The following EYS variants were observed in gnomAD, a reference collection of about 807,000 sequenced individuals.
EYS encodes EGF-like photoreceptor maintenance factor.
In EYS, 250 loss-of-function variants were observed where a neutral mutation model predicts 282.1. That is an observed-to-expected ratio of 0.89 (90% CI 0.80 to 0.98). EYS has a LOEUF of 0.98. Among genes scored for constraint, EYS ranks in the 50% least tolerant of loss-of-function variants. The pLI, the probability that EYS is intolerant of heterozygous loss-of-function variation, is 0.00. For missense variants in EYS, 4,016 were observed against 3,709.0 expected (o/e 1.08, Z -2.15); for synonymous variants, 1,355 against 1,282.9 (o/e 1.06, Z -1.20).
chr6:65,115,027 C>T (rs760525444), intron 12 of EYS, among the ~76,000 whole-genome samples: 3 of 151,944 alleles, frequency 2.0e-5, no homozygotes, highest in Non-Finnish European at 2.9e-5. Flanking sequence ...AAATAATCCT[C>T]AAGCTGTTCC....
At chr6:65,667,135 T>G (rs950032383) in intron 1 of EYS, among the ~76,000 whole-genome samples, 6 of 151,816 alleles carry the variant, frequency 4.0e-5, no homozygotes, top group Non-Finnish European at 5.9e-5. Context: ...ACTACTGCCC[T>G]ATCTCCTAAT....
intron 12 of EYS, among the ~76,000 whole-genome samples, chr6:65,185,453 C>T (rs189791552): frequency 1.0e-3 from 155 of 151,974 alleles, no homozygotes; most frequent in African/African-American, 3.5e-3. Context: ...TAGAAAACAT[C>T]TATTGCATCA....
intron 22 of EYS, among the ~76,000 whole-genome samples, chr6:64,776,540 C>T (rs1218266726): frequency 6.6e-6 from 1 of 151,934 alleles, no homozygotes; most frequent in Non-Finnish European, 1.5e-5. Context: ...AAATTCTATT[C>T]CCTTTTTTTT....
intron 31 of EYS, among the ~76,000 whole-genome samples, chr6:64,186,248 TACACACACACACACACACACACACAC>T (rs34727951): frequency 4.1e-5 from 6 of 147,072 alleles, no homozygotes; most frequent in Non-Finnish European, 4.5e-5. Context: ...ATGTGTGTTT[TACACACACACACACACACACACACAC>T]ACACACACAC....
intron 13 of EYS, among the ~76,000 whole-genome samples, chr6:64,997,909 A>C (rs1356038118): frequency 1.3e-5 from 2 of 152,144 alleles, no homozygotes; most frequent in African/African-American, 2.4e-5. Flanking sequence ...TAAAAAAAAA[A>C]CTTCAGTTAG....
At chr6:65,378,921 A>T (rs1765503568) in intron 8 of EYS, among the ~76,000 whole-genome samples, 2 of 152,000 alleles carry the variant, frequency 1.3e-5, no homozygotes, top group African/African-American at 4.8e-5. Flanking sequence ...CATTAGGAGA[A>T]ATATATAATG....
intron 33 of EYS, among the ~76,000 whole-genome samples, chr6:64,012,610 T>A (rs190926583): frequency 6.6e-6 from 1 of 152,330 alleles, no homozygotes; most frequent in East Asian, 1.9e-4. Context: ...TCCAGAGACA[T>A]ACAGCTTTCC....
chr6:64,718,485 T>C (rs1434111285), intron 22 of EYS, among the ~76,000 whole-genome samples: 2 of 152,214 alleles, frequency 1.3e-5, no homozygotes, highest in African/African-American at 2.4e-5. Flanking sequence ...CCTTAATGTA[T>C]ATGCAATGCA....
At chr6:65,195,596 A>G (rs1765746171) in intron 12 of EYS, among the ~76,000 whole-genome samples, 1 of 152,062 alleles carries the variant, frequency 6.6e-6, no homozygotes, top group Non-Finnish European at 1.5e-5. Context: ...GTTGAACATC[A>G]GAACATTATT....
At chr6:65,643,441 C>G (rs1445551207) in intron 1 of EYS, among the ~76,000 whole-genome samples, 1 of 152,156 alleles carries the variant, frequency 6.6e-6, no homozygotes, top group African/African-American at 2.4e-5. Flanking sequence ...GGTGGTCTTT[C>G]TCTAACCAGT....
intron 31 of EYS, among the ~76,000 whole-genome samples, chr6:64,116,559 G>A (rs1027864094): frequency 3.9e-5 from 6 of 152,104 alleles, no homozygotes; most frequent in Non-Finnish European, 8.8e-5. Flanking sequence ...ATGTAAATAG[G>A]TTAAATTCTC....
rs552798396 is a variant in EYS, at chr6:64,746,814, T to C, written c.3443+66564A>G. 5.9e-5 allele frequency among the ~76,000 whole-genome samples: 9 copies of C among 152,372 alleles called. No individual in the cohort carries two copies. In the South Asian group the frequency reaches 1.9e-3, roughly 32 times the overall value. On this transcript the variant is annotated intron_variant, in intron 22 of 42. Transcript: ENST00000503581. ...CTGATACTCAAAATCCTCCTGTAGG[T>C]TGTCCAATGCCCTTTGGCATAGTCA... is the stretch of plus-strand genomic sequence containing the variant.
intron 15 of EYS, among the ~76,000 whole-genome samples, chr6:64,934,276 T>G (rs1035476289): frequency 6.6e-6 from 1 of 151,202 alleles, no homozygotes; most frequent in Non-Finnish European, 1.5e-5. Flanking sequence ...AGAAAAAAAA[T>G]AAATAAATGA....
chr6:65,349,957 G>T (rs1001119937), intron 9 of EYS, among the ~76,000 whole-genome samples: 2 of 151,188 alleles, frequency 1.3e-5, no homozygotes, highest in East Asian at 3.9e-4. Context: ...TTTAATTCTT[G>T]TTTGTAAGAA....
intron 2 of EYS, among the ~76,000 whole-genome samples, chr6:65,501,818 T>G (rs1255714917): frequency 1.3e-5 from 2 of 151,706 alleles, no homozygotes; most frequent in African/African-American, 4.8e-5. Context: ...AAAAATATTA[T>G]CTAGACAACT....
At chr6:65,242,465 G>A (rs1026733000) in intron 12 of EYS, among the ~76,000 whole-genome samples, 1 of 151,922 alleles carries the variant, frequency 6.6e-6, no homozygotes, top group Non-Finnish European at 1.5e-5. Context: ...TCATTCCTTT[G>A]TATCGCCATC....
intron 11 of EYS, among the ~76,000 whole-genome samples, chr6:65,299,947 G>A (rs977972492): frequency 4.6e-5 from 7 of 151,888 alleles, no homozygotes; most frequent in African/African-American, 1.7e-4. Context: ...ATAAAATTAG[G>A]TTAATTTTGT....
chr6:63,726,275 A>G (rs541583635), intron 42 of EYS, among the ~76,000 whole-genome samples: 91 of 152,210 alleles, frequency 6.0e-4, no homozygotes, highest in African/African-American at 2.0e-3. Context: ...TTTTGATGGT[A>G]TTGTTTTTAA....
At chr6:63,880,919 A>T (rs1452820342) in intron 35 of EYS, among the ~76,000 whole-genome samples, 2 of 152,196 alleles carry the variant, frequency 1.3e-5, no homozygotes, top group East Asian at 3.8e-4. Flanking sequence ...TTCTCATCAA[A>T]AGGTGTTTTG....
Sources: allele counts gnomAD v4.1 joint callset (sites outside exome capture counted in the v4.1 genomes callset), GRCh38; gene constraint gnomAD v4.1.1; transcripts MANE v1.5; gene names NCBI Gene and HGNC (gene_info 2026-07-23, HGNC 2026-07-21).